Variants in GABRA6 observed in about 807,000 individuals in gnomAD.
GABRA6 encodes gamma-aminobutyric acid type A receptor subunit alpha6, also known as gamma-aminobutyric acid receptor subunit alpha-6.
A neutral mutation model predicts 47.3 loss-of-function variants in GABRA6; 45 were observed. The ratio of observed to expected loss-of-function variants is 0.95; its 90% CI spans 0.75 to 1.22. GABRA6 has a LOEUF of 1.22. Ranked by LOEUF, GABRA6 falls within the 50% of genes most tolerant of loss-of-function variation. The pLI, the probability that GABRA6 is intolerant of heterozygous loss-of-function variation, is 0.00. For missense variants in GABRA6, 583 were observed against 549.3 expected (o/e 1.06, Z -0.61); for synonymous variants, 219 against 194.7 (o/e 1.12, Z -1.04).
chr5:161,695,540 G>A (rs1321882830), intron 8 of GABRA6, among the ~76,000 whole-genome samples: 1 of 151,974 alleles, frequency 6.6e-6, no homozygotes, highest in Non-Finnish European at 1.5e-5. Context: ...CTGTGTGTAA[G>A]ACCAACTTTG....
chr5:161,689,223 A>C, intron 4 of GABRA6, 31 bp from the exon 5 acceptor site: 2 of 1,612,336 alleles, frequency 1.2e-6, no homozygotes, highest in Non-Finnish European at 8.5e-7. Context: ...CCATAATACT[A>C]ACTCAGAACC....
In GABRA6 at chr5:161,692,189, G is replaced by A. The variant is rs1240605914; in HGVS notation, c.1075G>A (p.Glu359Lys). 2.5e-6 allele frequency: 4 copies of A among 1,614,100 alleles called. No individual in the cohort carries two copies. Among genetic ancestry groups the A allele is most frequent in the African/African-American group, 2.7e-5 (2 of 74,942 alleles). ...ISKATEPLEA[E>K]IVLHPDSKYH... is the part of the protein sequence containing the mutation. The stretch of plus-strand genomic sequence containing the variant: ...AAAAGCTACTGAACCTTTGGAAGCT[G>A]AGATTGTTTTGGTAATTGTTTACTT... The change falls in exon 8 of 9, where the codon GAG becomes AAG. Residue 359 changes from glutamate to lysine, a missense_variant. Glu to Lys is a moderately conservative substitution (Grantham distance 56). Coordinates refer to ENST00000274545, the MANE Select transcript of GABRA6 (RefSeq NM_000811.3).
At chr5:161,694,803 A>G (rs576630206) in intron 8 of GABRA6, among the ~76,000 whole-genome samples, 46 of 152,290 alleles carry the variant, frequency 3.0e-4, no homozygotes, top group Admixed American at 1.0e-3. Context: ...AAATCAAACA[A>G]TGTAAACCTT....
intron 8 of GABRA6, among the ~76,000 whole-genome samples, chr5:161,698,733 G>A (rs1306990510): frequency 6.6e-6 from 1 of 152,070 alleles, no homozygotes; most frequent in African/African-American, 2.4e-5. Flanking sequence ...CACGCAATTA[G>A]TAGCTATGAA....
chr5:161,687,111 C>A (rs1754716405), intron 3 of GABRA6, 108 bp downstream of exon 3: 3 of 886,052 alleles, frequency 3.4e-6, no homozygotes, highest in East Asian at 2.4e-5. Flanking sequence ...AGATTCATGA[C>A]ACAATATTTG....
chr5:161,700,501 A>G (rs1276788149), intron 8 of GABRA6, among the ~76,000 whole-genome samples: 1 of 152,240 alleles, frequency 6.6e-6, no homozygotes, highest in African/African-American at 2.4e-5. Context: ...AAACAGAATC[A>G]GAGTCTCTGA....
chr5:161,687,530 A>T (rs1001771326), intron 3 of GABRA6: 1 of 456,130 alleles, frequency 2.2e-6, no homozygotes, highest in African/African-American at 2.0e-5. Flanking sequence ...CCAGGTACAG[A>T]TGGCTGTAGC....
In GABRA6 at chr5:161,701,605, A is replaced by G. The variant is rs146995458; in HGVS notation, c.1194A>G (p.Gln398=). The stretch of plus-strand genomic sequence containing the variant: ...TGCTCACGAGAGCGCCCATCTTACA[A>G]TCAACACCTGTCACACCCCCACCAC... ...NKVLTRAPIL[Q]STPVTPPPLS... is the part of the protein sequence containing the mutation. Residue 398 remains glutamine (Q), a synonymous_variant, in exon 9 of 9, where the codon CAA becomes CAG. Transcript: ENST00000274545. 8.2e-5 allele frequency: 132 copies of G among 1,614,104 alleles called. 1 individual carries two copies. In the Middle Eastern group the frequency reaches 1.5e-3, roughly 18 times the overall value.
At chr5:161,695,191 C>T (rs1754866803) in intron 8 of GABRA6, among the ~76,000 whole-genome samples, 1 of 152,060 alleles carries the variant, frequency 6.6e-6, no homozygotes, top group Admixed American at 6.6e-5. Flanking sequence ...AAAATTTATT[C>T]ATTTTATCAC....
chr5:161,701,999 A>C lies in GABRA6; in HGVS notation c.*226A>C, dbSNP rs1015222603. Reference sequence around the variant, plus strand: ...AAAATATGACTTTTCTGTATGTTAGAGAAAAACTTTATGAGGATGAAATGG... The same window carrying C: ...AAAATATGACTTTTCTGTATGTTAGCGAAAAACTTTATGAGGATGAAATGG... On this transcript the variant is annotated 3_prime_UTR_variant, in exon 9 of 9. Coordinates refer to ENST00000274545, the MANE Select transcript of GABRA6 (RefSeq NM_000811.3). 1 of 553,760 alleles carries C rather than the reference A, an allele frequency of 1.8e-6. No homozygotes were observed. The highest frequency in any genetic ancestry group is 1.9e-5 in the African/African-American group (1 of 53,200). 34.3% of individuals were successfully genotyped at this position (553,760 alleles called of 1,614,324 possible). A position where few individuals can be genotyped will look rare whatever the true frequency, so the allele number is the denominator to read the frequency against.
At chr5:161,698,511 T>G (rs964328803) in intron 8 of GABRA6, among the ~76,000 whole-genome samples, 1 of 152,026 alleles carries the variant, frequency 6.6e-6, no homozygotes, top group Non-Finnish European at 1.5e-5. Flanking sequence ...CTAAGATTCC[T>G]GAGCAAAAAA....
chr5:161,697,993 C>G (rs894905456), intron 8 of GABRA6, among the ~76,000 whole-genome samples: 2 of 152,102 alleles, frequency 1.3e-5, no homozygotes, highest in African/African-American at 4.8e-5. Context: ...AGAACCGGTA[C>G]TTATAATGTA....
In GABRA6 at chr5:161,701,628, C is replaced by A. The variant is rs1754984032; in HGVS notation, c.1217C>A (p.Pro406Gln). The A allele has an allele frequency of 1.9e-6, 3 of 1,614,178 alleles. No individual in the cohort carries two copies. The highest frequency in any genetic ancestry group is 2.5e-6 in the Non-Finnish European group (3 of 1,180,028). Residue 406 changes from proline to glutamine, a missense_variant, in exon 9 of 9, where the codon CCA (proline) becomes CAA (glutamine). Transcript: ENST00000274545. ...ILQSTPVTPP[P>Q]LSPAFGGTSK... is the part of the protein sequence containing the mutation. ...CAATCAACACCTGTCACACCCCCAC[C>A]ACTCTCGCCAGCCTTTGGAGGCACC...
intron 8 of GABRA6, among the ~76,000 whole-genome samples, chr5:161,692,542 T>C (rs973452893): frequency 1.1e-4 from 16 of 152,152 alleles, no homozygotes; most frequent in African/African-American, 3.6e-4. Context: ...TAAAACAAAA[T>C]GTTTTTTCTA....
Position 161,690,208 on chromosome 5 carries a change from C to T in GABRA6, c.681C>T (p.Tyr227=), listed in dbSNP as rs376024578. 19 of 1,613,326 alleles carry T rather than the reference C, an allele frequency of 1.2e-5. No individual in the cohort carries two copies. The highest frequency in any genetic ancestry group is 2.2e-5 in the East Asian group (1 of 44,800). The stretch of plus-strand genomic sequence containing the variant: ...GTATGTGTCTTCCAACAGGTGAATA[C>T]GTTATAATGACAGTTTACTTCCACT... ...SETIKSNTGE[Y]VIMTVYFHLQ... The change falls in exon 7 of 9, where the codon TAC becomes TAT. Residue 227 remains tyrosine (Y), a synonymous_variant. Transcript: ENST00000274545.
rs868523981 is a variant in GABRA6 at position 161,686,980 on chromosome 5, G to T, written c.202G>T (p.Gly68Trp). The change falls in exon 3 of 9, where the codon GGG becomes TGG. Residue 68 changes from glycine to tryptophan, a missense_variant. Transcript: ENST00000274545. Reference protein sequence around the residue: ...VKTDIYVTSFGPVSDVEMEYT... With the variant: ...VKTDIYVTSFWPVSDVEMEYT... ...AACAGACATTTATGTGACCAGTTTT[G>T]GGCCCGTGTCAGATGTGGAGATGGT... 1.9e-6 allele frequency: 3 copies of T among 1,613,952 alleles called. No homozygotes were observed. The highest frequency in any genetic ancestry group is 2.5e-6 in the Non-Finnish European group (3 of 1,179,874).
intron 8 of GABRA6, among the ~76,000 whole-genome samples, chr5:161,699,521 C>T (rs1363654712): frequency 6.7e-6 from 1 of 149,378 alleles, no homozygotes; most frequent in Non-Finnish European, 1.5e-5. Flanking sequence ...CACACACAGC[C>T]TGGTGATCCT....
intron 7 of GABRA6, 53 bp from the exon 8 acceptor site, chr5:161,691,888 T>C (rs1468176553): frequency 6.5e-7 from 1 of 1,530,036 alleles, no homozygotes; most frequent in Non-Finnish European, 9.0e-7. Context: ...CATTTGATTT[T>C]GCCATAGGAT....
intron 3 of GABRA6, 82 bp downstream of exon 3, chr5:161,687,085 C>T (rs1754715805): frequency 8.0e-6 from 9 of 1,125,590 alleles, no homozygotes; most frequent in Admixed American, 3.4e-5. Context: ...TGGGCATTGC[C>T]GCCAAGCTTG....
Sources: allele counts gnomAD v4.1 joint callset (sites outside exome capture counted in the v4.1 genomes callset), GRCh38; gene constraint gnomAD v4.1.1; transcripts MANE v1.5; gene names NCBI Gene and HGNC (gene_info 2026-07-23, HGNC 2026-07-21).